Variants in BUD23 observed in about 807,000 individuals in gnomAD.
BUD23 encodes BUD23 rRNA methyltransferase and ribosome maturation factor.
In BUD23, 34 loss-of-function variants were observed where a neutral mutation model predicts 47.0. The ratio of observed to expected loss-of-function variants is 0.72; its 90% CI spans 0.55 to 0.96. The LOEUF (loss-of-function observed/expected upper bound fraction) is 0.96. Among genes scored for constraint, BUD23 ranks in the 40% least tolerant of loss-of-function variants. BUD23 has a pLI of 0.00. For missense variants in BUD23, 343 were observed against 361.2 expected (o/e 0.95, Z 0.41); for synonymous variants, 124 against 132.0 (o/e 0.94, Z 0.41).
intron 10 of BUD23, chr7:73,694,387 T>G: frequency 3.9e-6 from 1 of 258,776 alleles, no homozygotes; most frequent in Non-Finnish European, 7.3e-6. Flanking sequence ...TGGCTCTCCC[T>G]TCCTTCCTGC....
At chr7:73,692,948 C>T in intron 7 of BUD23, 1 of 547,756 alleles carries the variant, frequency 1.8e-6, no homozygotes, top group South Asian at 2.5e-5. Context: ...CGACAGTTCT[C>T]CGTTGTGTGA....
At position 73,689,351 on chromosome 7, in the gene BUD23, C is replaced by CT. The variant is rs782421144; in HGVS notation, c.363-1550dup. On this transcript the variant is annotated intron_variant, in intron 5 of 11. Coordinates refer to ENST00000265758, the MANE Select transcript of BUD23 (RefSeq NM_017528.5). ...CGTGAGCCACCGCACCCGGCCCAGA[C>CT]TTTTTTTTTTTTTTTAAACATTTGC... Among the ~76,000 whole-genome samples the CT allele has an allele frequency of 9.5e-3, 1,352 of 142,924 alleles. 5 individuals carry two copies. The highest frequency in any genetic ancestry group is 0.012 in the Non-Finnish European group (748 of 64,958). 93.8% of individuals were successfully genotyped at this position (142,924 alleles called of 152,430 possible). A position where few individuals can be genotyped will look rare whatever the true frequency, so the allele number is the denominator to read the frequency against.
chr7:73,691,250 A>G (rs1798185327), intron 6 of BUD23, among the ~76,000 whole-genome samples: 1 of 152,186 alleles, frequency 6.6e-6, no homozygotes, highest in Non-Finnish European at 1.5e-5. Context: ...AAAATCGGAG[A>G]CCAATTTATT....
At chr7:73,688,689 C>T (rs1049703031) in intron 5 of BUD23, among the ~76,000 whole-genome samples, 5 of 152,158 alleles carry the variant, frequency 3.3e-5, no homozygotes, top group Non-Finnish European at 7.3e-5. Context: ...TCTTAGGCTG[C>T]TGTGATCAGT....
chr7:73,692,136 G>A (rs1798219301), intron 6 of BUD23, among the ~76,000 whole-genome samples: 1 of 152,086 alleles, frequency 6.6e-6, no homozygotes, highest in African/African-American at 2.4e-5. Context: ...CTGGCCGCTG[G>A]TCTTGTGTGT....
chr7:73,693,488 A>G, intron 8 of BUD23, 74 bp downstream of exon 8: 2 of 1,597,148 alleles, frequency 1.3e-6, no homozygotes, highest in South Asian at 2.2e-5. Context: ...CAGGCCACTC[A>G]GTGGTGCAGA....
intron 5 of BUD23, among the ~76,000 whole-genome samples, chr7:73,687,362 C>T (rs914672132): frequency 1.3e-5 from 2 of 152,110 alleles, no homozygotes; most frequent in Non-Finnish European, 2.9e-5. Flanking sequence ...CTGCAGCCTT[C>T]GCCTCCCAGG....
chr7:73,686,926 G>T (rs781950305), intron 4 of BUD23, 26 bp downstream of exon 4: 1 of 1,614,100 alleles, frequency 6.2e-7, no homozygotes, highest in Admixed American at 1.7e-5. Context: ...CTGGCACCAG[G>T]GTGGATTACC....
intron 2 of BUD23, among the ~76,000 whole-genome samples, chr7:73,684,908 A>G: frequency 7.9e-6 from 1 of 127,030 alleles, no homozygotes; most frequent in Non-Finnish European, 1.6e-5. Context: ...TGGGCGACAG[A>G]GCAAGACTTT....
chr7:73,691,001 T>C lies in BUD23; in HGVS notation c.448T>C (p.Phe150Leu), dbSNP rs376084881. The change falls in exon 6 of 12, where the codon TTT becomes CTT. Residue 150 changes from phenylalanine (F) to leucine (L), a missense_variant. By Grantham distance (22) the Phe-to-Leu change is conservative. Transcript: ENST00000265758. Reference sequence around the variant, plus strand: ...CCTGTACTGCTTTTTTGCTTCTCTTTTTTCTGTTCTCGTGAGTATAAGATC... The same window carrying C: ...CCTGTACTGCTTTTTTGCTTCTCTTCTTTCTGTTCTCGTGAGTATAAGATC... ...KRLYCFFASL[F>L]SVLVRGSRAV... The C allele has an allele frequency of 5.0e-5, 80 of 1,614,182 alleles. No individual in the cohort carries two copies. The highest frequency in any genetic ancestry group is 6.6e-5 in the Non-Finnish European group (78 of 1,180,016).
rs1798425108 is a variant in BUD23, at chr7:73,696,879, G to A, written c.702-726G>A. The A allele has an allele frequency of 2.6e-5, 4 of 156,860 alleles. No individual in the cohort carries two copies. In the South Asian group the frequency reaches 5.8e-4, roughly 23 times the overall value. 9.7% of individuals were successfully genotyped at this position (156,860 alleles called of 1,614,324 possible). A position where few individuals can be genotyped will look rare whatever the true frequency, so the allele number is the denominator to read the frequency against. On this transcript the variant is annotated intron_variant, in intron 10 of 11. Coordinates refer to ENST00000265758, the MANE Select transcript of BUD23 (RefSeq NM_017528.5). ...TCCCCGTCTTCACCTCCTTCCTTTA[G>A]CTCCATTGATGACTTTCCCCCTTGC...
At chr7:73,691,106 T>A in intron 6 of BUD23, 94 bp downstream of exon 6, 1 of 1,114,782 alleles carries the variant, frequency 9.0e-7, no homozygotes. Context: ...CCATGATGGG[T>A]AAGCTACTCA....
chr7:73,686,662 G>A lies in BUD23; in HGVS notation c.113G>A (p.Arg38Lys), dbSNP rs1554613028. The change falls in exon 3 of 12, where the codon AGG becomes AAG. Residue 38 changes from arginine (R) to lysine (K), a missense_variant. Transcript: ENST00000265758. ...TCACGGATGATTGATATCCAGACCAGGATGGCTGGGCGAGCATTGGAGCTT... is the reference window on the plus strand; with the variant it reads ...TCACGGATGATTGATATCCAGACCAAGATGGCTGGGCGAGCATTGGAGCTT... ...RNSRMIDIQT[R>K]MAGRALELLY... The A allele has an allele frequency of 6.2e-7, 1 of 1,614,178 alleles. No individual in the cohort carries two copies. The highest frequency in any genetic ancestry group is 1.1e-5 in the South Asian group (1 of 91,076).
chr7:73,692,692 A>G, intron 7 of BUD23, 46 bp downstream of exon 7: 5 of 1,575,516 alleles, frequency 3.2e-6, no homozygotes, highest in Non-Finnish European at 4.4e-6. Flanking sequence ...GGGGGACTCA[A>G]CAGGTAAGCT....
chr7:73,684,447 G>A (rs1350784356), intron 2 of BUD23, among the ~76,000 whole-genome samples: 1 of 151,924 alleles, frequency 6.6e-6, no homozygotes, highest in Non-Finnish European at 1.5e-5. Flanking sequence ...CCACAGGCGC[G>A]CGCCACTACG....
intron 5 of BUD23, among the ~76,000 whole-genome samples, chr7:73,689,720 C>T (rs554798980): frequency 1.3e-5 from 2 of 152,234 alleles, no homozygotes; most frequent in African/African-American, 4.8e-5. Context: ...GTGGTTGCTT[C>T]CTAGAAGGCA....
intron 10 of BUD23, chr7:73,694,499 A>G (rs952428202): frequency 3.2e-5 from 5 of 155,046 alleles, no homozygotes; most frequent in African/African-American, 1.2e-4. Context: ...CATAACAACA[A>G]CTAACCACCC....
intron 8 of BUD23, 80 bp downstream of exon 8, chr7:73,693,494 G>C (rs552273372): frequency 3.1e-5 from 49 of 1,598,268 alleles, no homozygotes; most frequent in Non-Finnish European, 4.2e-5. Context: ...ACTCAGTGGT[G>C]CAGAGGAGTG....
chr7:73,693,846 G>A (rs1798289707), intron 9 of BUD23, 146 bp from the exon 10 acceptor site: 1 of 1,306,778 alleles, frequency 7.7e-7, no homozygotes, highest in African/African-American at 1.5e-5. Flanking sequence ...TGCTCTGCAG[G>A]TCCCAGAAAG....
Sources: allele counts gnomAD v4.1 joint callset (sites outside exome capture counted in the v4.1 genomes callset), GRCh38; gene constraint gnomAD v4.1.1; transcripts MANE v1.5; gene names NCBI Gene and HGNC (gene_info 2026-07-23, HGNC 2026-07-21).